DIP2C: variants seen among roughly 807,000 people sequenced by gnomAD.
The protein encoded by DIP2C is DIP2 acetate--CoA ligase C (putative).
Under a neutral mutation model 192.4 loss-of-function variants are expected in DIP2C, and 33 were observed. The observed-to-expected ratio is 0.17, with a 90% CI of 0.13 to 0.23. The LOEUF is 0.23. Among genes scored for constraint, DIP2C ranks in the 10% least tolerant of loss-of-function variants. The pLI, the probability that DIP2C is intolerant of heterozygous loss-of-function variation, is 1.00. For synonymous variants in DIP2C, 979 were observed against 864.1 expected (o/e 1.13, Z -2.33); for missense variants, 1,537 against 2,110.1 (o/e 0.73, Z 5.32).
In DIP2C at chr10:414,066, T is replaced by C. The variant is rs926886949; in HGVS notation, c.904A>G (p.Met302Val). ...PNQPKPEGAQ[M>V]LAMRGEQLGV... is the part of the protein sequence containing the mutation. The stretch of plus-strand genomic sequence containing the variant: ...AGCTGCTCTCCGCGCATGGCCAGCA[T>C]CTGGGCCCCCTCCGGCTTTGGTTGG... Residue 302 changes from methionine (M) to valine (V), a missense_variant, in exon 8 of 37, where the codon ATG (methionine) becomes GTG (valine). Around this residue, in one of 4 missense-constraint regions of DIP2C, gnomAD observed 473 missense variants for 539.6 expected, o/e 0.88. Coordinates refer to ENST00000280886, the MANE Select transcript of DIP2C (RefSeq NM_014974.3). The C allele has an allele frequency of 1.9e-6, 3 of 1,613,888 alleles. No homozygotes were observed. The highest frequency in any genetic ancestry group is 1.7e-6 in the Non-Finnish European group (2 of 1,179,808).
chr10:373,437 G>A (rs1445357646), intron 17 of DIP2C, among the ~76,000 whole-genome samples: 4 of 152,164 alleles, frequency 2.6e-5, no homozygotes, highest in Non-Finnish European at 5.9e-5. Flanking sequence ...TAAAAGAAAA[G>A]CAGAATCAAG....
rs1327794068 is a variant in DIP2C at position 384,404 on chromosome 10, AT to A, written c.1756+141del. The A allele has an allele frequency of 8.7e-6, 8 of 915,874 alleles. No individual in the cohort carries two copies. The African/African-American group carries it at 1.4e-4, about 16-fold the overall frequency. 56.7% of individuals were successfully genotyped at this position (915,874 alleles called of 1,614,324 possible). On this transcript the variant is annotated intron_variant, in intron 15 of 36. Transcript: ENST00000280886. ...AGGCATGCGCCATCAGGCCTGGCTA[AT>A]TTTTGTATTATTAGTAGAAACGGGG... is the stretch of plus-strand genomic sequence containing the variant.
chr10:506,885 C>A (rs115006665), intron 1 of DIP2C, among the ~76,000 whole-genome samples: 2,559 of 152,290 alleles, frequency 0.017, 77 homozygotes, highest in African/African-American at 0.058. Flanking sequence ...ACACACTGTG[C>A]ACAGAGGTGT....
intron 1 of DIP2C, among the ~76,000 whole-genome samples, chr10:555,894 C>G (rs554919151): frequency 6.6e-6 from 1 of 152,140 alleles, no homozygotes; most frequent in African/African-American, 2.4e-5. Flanking sequence ...AGCGAACACC[C>G]TTCCTGCATG....
At chr10:472,377 A>C in intron 3 of DIP2C, 62 bp downstream of exon 3, 1 of 1,495,870 alleles carries the variant, frequency 6.7e-7, no homozygotes, top group East Asian at 2.3e-5. Flanking sequence ...GTGGCTGGGC[A>C]CAGGCACCGT....
At chr10:459,475 G>T (rs1405367904) in intron 3 of DIP2C, among the ~76,000 whole-genome samples, 2 of 152,268 alleles carry the variant, frequency 1.3e-5, no homozygotes, top group African/African-American at 4.8e-5. Context: ...ACACATGGAA[G>T]TTCTTAGTTC....
chr10:505,268 C>T (rs933516133), intron 1 of DIP2C, among the ~76,000 whole-genome samples: 7 of 151,976 alleles, frequency 4.6e-5, no homozygotes, highest in African/African-American at 1.7e-4. Context: ...TCTCTAGTCC[C>T]TCTACAAGGA....
chr10:637,701 G>T (rs896452942), intron 1 of DIP2C, among the ~76,000 whole-genome samples: 4 of 152,142 alleles, frequency 2.6e-5, no homozygotes, highest in African/African-American at 7.2e-5. Context: ...ATTTAATTTT[G>T]TTTAAAGGCA....
rs139114602 is a variant in DIP2C, at chr10:379,144, A to G, written c.1991+3503T>C. ...GCGGCCCAGGCGCCAGCCTGCTCCC[A>G]CATACCCATCGCCAGGGCTGCTGCT... On this transcript the variant is annotated intron_variant, in intron 17 of 36. Transcript: ENST00000280886. 6.9e-3 allele frequency among the ~76,000 whole-genome samples: 876 copies of G among 126,972 alleles called. 7 individuals carry two copies. Among genetic ancestry groups the G allele is most frequent in the Middle Eastern group, 0.024 (4 of 164 alleles). The allele number at this position is 126,972 out of a possible 152,430, so 83.3% of individuals were successfully genotyped here.
intron 32 of DIP2C, among the ~76,000 whole-genome samples, chr10:291,670 A>C (rs111469184): frequency 6.6e-6 from 1 of 152,224 alleles, no homozygotes; most frequent in Non-Finnish European, 1.5e-5. Context: ...ACCCGGGTCA[A>C]AGTGTGCTGC....
intron 1 of DIP2C, among the ~76,000 whole-genome samples, chr10:489,832 T>G: frequency 8.8e-6 from 1 of 113,974 alleles, no homozygotes; most frequent in Non-Finnish European, 1.8e-5. Context: ...TCCTCCACCT[T>G]CACACTAGGG....
chr10:489,097 C>T (rs371114700), intron 1 of DIP2C, among the ~76,000 whole-genome samples: 5 of 152,130 alleles, frequency 3.3e-5, no homozygotes, highest in African/African-American at 9.7e-5. Context: ...ACCCCAAAGC[C>T]GAAGCGCTGG....
intron 1 of DIP2C, among the ~76,000 whole-genome samples, chr10:653,875 C>G (rs1856111441): frequency 6.6e-6 from 1 of 152,240 alleles, no homozygotes. Context: ...GAGAAAGACA[C>G]TCAGAAGAGA....
At chr10:416,040 GT>G in intron 6 of DIP2C, 152 bp from the exon 7 acceptor site, 1 of 1,166,672 alleles carries the variant, frequency 8.6e-7, no homozygotes, top group Non-Finnish European at 1.2e-6. Flanking sequence ...TGATCATGCT[GT>G]ACGGTAGCCC....
intron 1 of DIP2C, among the ~76,000 whole-genome samples, chr10:587,915 C>A (rs1479446183): frequency 1.5e-4 from 1 of 6,640 alleles, no homozygotes; most frequent in African/African-American, 9.1e-4. Context: ...TGAAACCCCA[C>A]ATCCACACCA....
chr10:393,778 C>CAAAAAAAAA (rs34390976), intron 10 of DIP2C, among the ~76,000 whole-genome samples: 2 of 66,610 alleles, frequency 3.0e-5, no homozygotes, highest in Admixed American at 2.1e-4. Flanking sequence ...GACTCCGTCT[C>CAAAAAAAAA]AAAAAAAAAA....
chr10:395,037 C>A (rs1470886836), intron 10 of DIP2C, among the ~76,000 whole-genome samples: 1 of 150,460 alleles, frequency 6.6e-6, no homozygotes, highest in African/African-American at 2.4e-5. Flanking sequence ...AAGACCAAGG[C>A]TACATGAGCT....
chr10:689,287 TC>T lies in DIP2C; in HGVS notation c.85+206del, dbSNP rs1289388443. On this transcript the variant is annotated intron_variant, in intron 1 of 36. Transcript: ENST00000280886. The surrounding 1 kb of genome is among the most constrained non-coding windows in gnomAD (Gnocchi z 6.1). ...GCGGGGAATCGCGGCCCCACAAACG[TC>T]CCCAGAGCGCGGGGGATCGCGGCCT... Among the ~76,000 whole-genome samples, 1 of 140,188 alleles carries T rather than the reference TC, an allele frequency of 7.1e-6. No individual in the cohort carries two copies. The highest frequency in any genetic ancestry group is 1.6e-5 in the Non-Finnish European group (1 of 64,456). 92.0% of individuals were successfully genotyped at this position (140,188 alleles called of 152,430 possible). A position where few individuals can be genotyped will look rare whatever the true frequency, so the allele number is the denominator to read the frequency against.
chr10:578,244 G>A (rs2131565715), intron 1 of DIP2C, among the ~76,000 whole-genome samples: 1 of 152,268 alleles, frequency 6.6e-6, no homozygotes, highest in Non-Finnish European at 1.5e-5. Flanking sequence ...GTCATGAACT[G>A]TTTATATTCA....
Sources: gnomAD v4.1 joint callset for allele counts (sites outside exome capture counted in the v4.1 genomes callset) on GRCh38, gnomAD v4.1.1 for gene constraint, gnomAD v4.1.1 regional missense constraint, Gnocchi (gnomAD v3.1) non-coding constraint, MANE v1.5 for transcripts, NCBI Gene and HGNC (gene_info 2026-07-23, HGNC 2026-07-21) for gene names.